Variants in TOGARAM1 observed in about 807,000 individuals in gnomAD.
The protein encoded by TOGARAM1 is TOG array regulator of axonemal microtubules protein 1.
TOGARAM1 carries 100 observed loss-of-function variants against 166.6 expected under a neutral mutation model. The ratio of observed to expected loss-of-function variants is 0.60; its 90% confidence interval spans 0.51 to 0.71. The LOEUF is 0.71. Among genes scored for constraint, TOGARAM1 ranks in the 30% least tolerant of loss-of-function variants. TOGARAM1 has a pLI of 0.00. For synonymous variants in TOGARAM1, 758 were observed against 763.8 expected, an observed-to-expected ratio of 0.99 and a Z score of 0.13; for missense variants, 2,029 against 2,102.7, an observed-to-expected ratio of 0.96 and a Z score of 0.69.
chr14:45,044,854 A>G lies in TOGARAM1; in HGVS notation c.4138A>G (p.Ile1380Val). Reference sequence around the variant, plus strand: ...TCCTGCACGTGCAGTTGTTTCTCTTATCAATGGTGGACAAAGGTAATGTTC... The same window carrying G: ...TCCTGCACGTGCAGTTGTTTCTCTTGTCAATGGTGGACAAAGGTAATGTTC... Reference protein sequence around the residue: ...VTPARAVVSLINGGQSHLHIA... With the variant: ...VTPARAVVSLVNGGQSHLHIA... The change falls in exon 13 of 20, where the codon ATC becomes GTC. Residue 1380 changes from isoleucine (I) to valine (V), a missense_variant. Transcript: ENST00000361462. 1 of 1,611,338 alleles carries G rather than the reference A, an allele frequency of 6.2e-7. No homozygotes were observed.
rs1885304486 is a variant in TOGARAM1 at position 44,963,264 on chromosome 14, A to G, written c.843A>G (p.Gln281=). 5 of 1,614,182 alleles carry G rather than the reference A, an allele frequency of 3.1e-6. No individual in the cohort carries two copies. Among genetic ancestry groups the G allele is most frequent in the Non-Finnish European group, 4.2e-6 (5 of 1,180,030 alleles). Reference sequence around the variant, plus strand: ...CTGAGACAGCTTTCTCCGCACTTCAACAAATTGGGGAGCGACTTGGCCAAG... The same window carrying G: ...CTGAGACAGCTTTCTCCGCACTTCAGCAAATTGGGGAGCGACTTGGCCAAG... The part of the protein sequence containing the change: ...EESETAFSAL[Q]QIGERLGQDR... Residue 281 remains glutamine (Q), a synonymous_variant, in exon 1 of 20, where the codon CAA becomes CAG. Coordinates refer to ENST00000361462, the MANE Select transcript of TOGARAM1 (RefSeq NM_001308120.2).
chr14:45,056,962 ATTTG>A (rs534609133), intron 16 of TOGARAM1, among the ~76,000 whole-genome samples: 3,641 of 148,942 alleles, frequency 0.024, 130 homozygotes, highest in Admixed American at 0.1. Flanking sequence ...TTATTTATTT[ATTTG>A]TTTGTTTGTT....
chr14:45,066,797 T>C (rs1883160107), intron 17 of TOGARAM1, 30 bp downstream of exon 17: 1 of 1,571,586 alleles, frequency 6.4e-7, no homozygotes, highest in African/African-American at 1.4e-5. Flanking sequence ...AATTTTAATG[T>C]GGGTATGGTG....
At chr14:45,000,972 A>T (rs1887667235) in intron 3 of TOGARAM1, among the ~76,000 whole-genome samples, 1 of 152,020 alleles carries the variant, frequency 6.6e-6, no homozygotes, top group Non-Finnish European at 1.5e-5. Context: ...GGGTACAAAC[A>T]ATCCTGCCTC....
chr14:45,064,702 T>C (rs1335405338), intron 16 of TOGARAM1, among the ~76,000 whole-genome samples: 1 of 152,180 alleles, frequency 6.6e-6, no homozygotes, highest in African/African-American at 2.4e-5. Flanking sequence ...GTTGGAGTCT[T>C]GTCTTATTAC....
chr14:44,999,261 T>A (rs1308050754), intron 2 of TOGARAM1, 102 bp from the exon 3 acceptor site: 1 of 1,256,920 alleles, frequency 8.0e-7, no homozygotes, highest in Non-Finnish European at 1.1e-6. Context: ...AACACTTATA[T>A]TTATTTCCAC....
chr14:45,057,976 T>G (rs566252603), intron 16 of TOGARAM1, among the ~76,000 whole-genome samples: 16 of 152,366 alleles, frequency 1.1e-4, no homozygotes, highest in African/African-American at 3.4e-4. Flanking sequence ...AAGTTCAATT[T>G]AAGTTCAGTG....
In TOGARAM1 at chr14:45,055,790, G is replaced by A. The variant is rs1325635170; in HGVS notation, c.4559+1241G>A. 3.5e-5 allele frequency among the ~76,000 whole-genome samples: 4 copies of A among 115,530 alleles called. No individual in the cohort carries two copies. The East Asian group carries it at 8.3e-4, about 24-fold the overall frequency. 75.8% of individuals were successfully genotyped at this position (115,530 alleles called of 152,430 possible). A position where few individuals can be genotyped will look rare whatever the true frequency, so the allele number is the denominator to read the frequency against. ...TTGGATTCCAGCCTGGGCAGAGTGAGACTCCATCTCAAAAAAAAAAAAAAA... is the reference window on the plus strand; with the variant it reads ...TTGGATTCCAGCCTGGGCAGAGTGAAACTCCATCTCAAAAAAAAAAAAAAA... On this transcript the variant is annotated intron_variant, in intron 16 of 19. Transcript: ENST00000361462.
intron 7 of TOGARAM1, among the ~76,000 whole-genome samples, chr14:45,013,640 A>G (rs965520011): frequency 2.0e-5 from 3 of 152,230 alleles, no homozygotes; most frequent in Non-Finnish European, 4.4e-5. Flanking sequence ...TGAGAAGGGT[A>G]GTGAAAATCT....
In TOGARAM1 at chr14:44,962,792, G is replaced by T; in HGVS notation, c.371G>T (p.Gly124Val). 1 of 1,612,462 alleles carries T rather than the reference G, an allele frequency of 6.2e-7. No homozygotes were observed. Among genetic ancestry groups the T allele is most frequent in the South Asian group, 1.1e-5 (1 of 91,088 alleles). ...TTGCAAGCTGCTTTGCCGCGGCGGGGCGGTCGACTTGGCTTCCCCCGACGC... is the reference window on the plus strand; with the variant it reads ...TTGCAAGCTGCTTTGCCGCGGCGGGTCGGTCGACTTGGCTTCCCCCGACGC... ...QALQAALPRR[G>V]GRLGFPRRKE... Residue 124 changes from glycine (G) to valine (V), a missense_variant, in exon 1 of 20, where the codon GGC becomes GTC. This residue lies in a region of TOGARAM1 where 1,453 missense variants were observed against 1,432.2 expected (regional missense o/e 1.01). Coordinates refer to ENST00000361462, the MANE Select transcript of TOGARAM1 (RefSeq NM_001308120.2).
intron 17 of TOGARAM1, 76 bp downstream of exon 17, chr14:45,066,843 A>G (rs1883162704): frequency 4.8e-6 from 6 of 1,244,324 alleles, no homozygotes; most frequent in African/African-American, 4.5e-5. Flanking sequence ...TGGGAAGCCA[A>G]GGTAGAAGGA....
intron 15 of TOGARAM1, among the ~76,000 whole-genome samples, chr14:45,052,872 C>T (rs994031288): frequency 6.6e-6 from 1 of 152,058 alleles, no homozygotes; most frequent in Non-Finnish European, 1.5e-5. Context: ...CTTACACATG[C>T]CTCTTCATTT....
chr14:45,033,323 G>A (rs76243507), intron 11 of TOGARAM1, among the ~76,000 whole-genome samples: 1,698 of 150,362 alleles, frequency 0.011, 17 homozygotes, highest in Non-Finnish European at 0.019. Context: ...CATTCATTTT[G>A]TAGCTCAAGG....
chr14:45,039,707 G>A (rs1386722818), intron 11 of TOGARAM1, among the ~76,000 whole-genome samples: 4 of 152,204 alleles, frequency 2.6e-5, no homozygotes, highest in African/African-American at 4.8e-5. Flanking sequence ...GTGGGAGAAG[G>A]CACTTCTGAG....
In TOGARAM1 at chr14:45,012,068, C is replaced by T. The variant is rs144530053; in HGVS notation, c.3231C>T (p.Pro1077=). 21,947 of 1,584,742 alleles carry T rather than the reference C, an allele frequency of 0.014. 181 individuals carry two copies. The highest frequency in any genetic ancestry group is 0.017 in the Non-Finnish European group (19,289 of 1,162,568). The change falls in exon 7 of 20, where the codon CCC becomes CCT. Residue 1077 remains proline (P), a synonymous_variant. Transcript: ENST00000361462. ...TTTCTCATATTGCTGAACAAAGCCC[C>T]AGTGCAGGTATTCTATGTCTGTTTA... ...KKISHIAEQS[P]SAGSSSNPQQ... is the part of the protein sequence containing the mutation.
At chr14:45,023,968 T>G (rs905041755) in intron 7 of TOGARAM1, among the ~76,000 whole-genome samples, 11 of 152,168 alleles carry the variant, frequency 7.2e-5, no homozygotes, top group African/African-American at 2.7e-4. Context: ...CTCGAACTCC[T>G]GACCTCAGGT....
At chr14:44,985,887 A>G (rs1345355690) in intron 1 of TOGARAM1, among the ~76,000 whole-genome samples, 3 of 152,246 alleles carry the variant, frequency 2.0e-5, no homozygotes, top group Non-Finnish European at 4.4e-5. Flanking sequence ...TTCAGGATCT[A>G]AAGAGTTTTC....
At chr14:45,056,411 T>C (rs73353650) in intron 16 of TOGARAM1, among the ~76,000 whole-genome samples, 8,308 of 152,244 alleles carry the variant, frequency 0.055, 299 homozygotes, top group East Asian at 0.12. Context: ...CTGTGTTGAA[T>C]AGAAGTGGTG....
At chr14:44,985,965 A>C (rs1447223769) in intron 1 of TOGARAM1, among the ~76,000 whole-genome samples, 1 of 152,228 alleles carries the variant, frequency 6.6e-6, no homozygotes, top group East Asian at 1.9e-4. Flanking sequence ...AGAAGCTGAT[A>C]TATTAAGCAT....
Sources: allele counts gnomAD v4.1 joint callset (sites outside exome capture counted in the v4.1 genomes callset), GRCh38; gene constraint gnomAD v4.1.1; regional missense constraint gnomAD v4.1.1; transcripts MANE v1.5; gene names NCBI Gene and HGNC (gene_info 2026-07-23, HGNC 2026-07-21).